Variants in ATRNL1 observed in about 807,000 individuals in gnomAD.
The protein encoded by ATRNL1 is attractin like 1, also known as attractin-like protein 1.
Under a neutral mutation model 182.7 loss-of-function variants are expected in ATRNL1, and 95 were observed. The observed-to-expected ratio is 0.52, with a 90% CI of 0.44 to 0.62. The LOEUF is 0.62. ATRNL1 is among the 20% of genes least tolerant of loss of function. The pLI is 0.00. For missense variants in ATRNL1, 1,471 were observed against 1,679.5 expected (o/e 0.88, Z 2.17); for synonymous variants, 576 against 568.3 (o/e 1.01, Z -0.19).
At chr10:115,849,448 G>A (rs546671478) in intron 28 of ATRNL1, among the ~76,000 whole-genome samples, 1 of 152,212 alleles carries the variant, frequency 6.6e-6, no homozygotes, top group African/African-American at 2.4e-5. Context: ...GATCCTTCAC[G>A]AGATGGGCAG....
rs199920871 is a variant in ATRNL1, at chr10:115,424,683, T to C, written c.3270-1567T>C. On this transcript the variant is annotated intron_variant, in intron 20 of 28. Coordinates refer to ENST00000355044, the MANE Select transcript of ATRNL1 (RefSeq NM_207303.4). ...ATGTGAAATAAGCACAGAAGAAAAATACTGCATGATCTCACTTATATGTAG... is the reference window on the plus strand; with the variant it reads ...ATGTGAAATAAGCACAGAAGAAAAACACTGCATGATCTCACTTATATGTAG... Among the ~76,000 whole-genome samples, 4 of 152,174 alleles carry C rather than the reference T, an allele frequency of 2.6e-5. No homozygotes were observed. The East Asian group carries it at 7.7e-4, about 29-fold the overall frequency.
At chr10:115,637,600 TTAC>T (rs1374053728) in intron 26 of ATRNL1, among the ~76,000 whole-genome samples, 3 of 100,786 alleles carry the variant, frequency 3.0e-5, no homozygotes, top group Non-Finnish European at 4.3e-5. Flanking sequence ...AGTCAATTTA[TTAC>T]TATTATTATT....
chr10:115,669,054 C>T (rs1314038920), intron 26 of ATRNL1, among the ~76,000 whole-genome samples: 1 of 152,012 alleles, frequency 6.6e-6, no homozygotes, highest in Non-Finnish European at 1.5e-5. Context: ...AAGTGGTTTT[C>T]CAAATGATTA....
At chr10:115,380,533 C>A (rs539560042) in intron 19 of ATRNL1, among the ~76,000 whole-genome samples, 1 of 152,298 alleles carries the variant, frequency 6.6e-6, no homozygotes, top group Non-Finnish European at 1.5e-5. Context: ...CCTTGTCCCC[C>A]AGCCCTGCCT....
intron 9 of ATRNL1, among the ~76,000 whole-genome samples, chr10:115,218,827 A>G (rs1849330956): frequency 6.6e-6 from 1 of 152,198 alleles, no homozygotes; most frequent in Admixed American, 6.5e-5. Context: ...TGTGTCACTG[A>G]AATGTGCTGC....
chr10:115,843,300 T>A (rs548900443), intron 27 of ATRNL1, among the ~76,000 whole-genome samples: 1 of 151,916 alleles, frequency 6.6e-6, no homozygotes, highest in Admixed American at 6.6e-5. Context: ...GAAGTGAGCA[T>A]AGGGGATATA....
chr10:115,209,443 CTGAGTTGTTTG>C (rs1848935114), intron 8 of ATRNL1, among the ~76,000 whole-genome samples: 1 of 141,192 alleles, frequency 7.1e-6, no homozygotes, highest in Non-Finnish European at 1.5e-5. Flanking sequence ...TTTCTGGTTT[CTGAGTTGTTTG>C]TGGCAGGAAG....
chr10:115,519,411 C>A, intron 25 of ATRNL1, 87 bp downstream of exon 25: 2 of 1,099,412 alleles, frequency 1.8e-6, no homozygotes, highest in South Asian at 1.3e-5. Flanking sequence ...TCGACCAATT[C>A]TAAAACCTTA....
At chr10:115,759,841 A>ATTTTTTTTTTT (rs58578796) in intron 27 of ATRNL1, among the ~76,000 whole-genome samples, 945 of 62,604 alleles carry the variant, frequency 0.015, no homozygotes, top group Middle Eastern at 0.048. Context: ...ACACCTGGCT[A>ATTTTTTTTTTT]TTTTTTTTTT....
At chr10:115,910,804 T>A (rs964374366) in intron 28 of ATRNL1, among the ~76,000 whole-genome samples, 1 of 152,198 alleles carries the variant, frequency 6.6e-6, no homozygotes, top group African/African-American at 2.4e-5. Flanking sequence ...AGTAACCCTC[T>A]GAGAAAAATC....
chr10:115,562,489 A>G (rs550174238), intron 26 of ATRNL1, among the ~76,000 whole-genome samples: 48 of 152,322 alleles, frequency 3.2e-4, no homozygotes, highest in African/African-American at 1.1e-3. Context: ...GAAATTGACA[A>G]GCTTCTTTGT....
At chr10:115,451,239 G>A (rs1439368818) in intron 21 of ATRNL1, among the ~76,000 whole-genome samples, 1 of 152,092 alleles carries the variant, frequency 6.6e-6, no homozygotes, top group Admixed American at 6.6e-5. Flanking sequence ...GACACCAAAA[G>A]CAATTGCAAC....
chr10:115,824,106 G>A (rs1555091252), intron 27 of ATRNL1, among the ~76,000 whole-genome samples: 1 of 151,972 alleles, frequency 6.6e-6, no homozygotes, highest in Admixed American at 6.6e-5. Flanking sequence ...CAGAACAGAG[G>A]CCTCAGAAAT....
intron 27 of ATRNL1, among the ~76,000 whole-genome samples, chr10:115,828,750 T>C (rs1467853483): frequency 1.3e-5 from 2 of 152,198 alleles, no homozygotes; most frequent in Non-Finnish European, 2.9e-5. Flanking sequence ...CATAATAGTC[T>C]ATTAAATGGC....
At chr10:115,607,272 A>C (rs1470755015) in intron 26 of ATRNL1, among the ~76,000 whole-genome samples, 2 of 151,942 alleles carry the variant, frequency 1.3e-5, no homozygotes, top group African/African-American at 4.8e-5. Flanking sequence ...TAAATAAAAC[A>C]GCATTTAGTT....
chr10:115,334,981 G>C (rs1467642072), intron 19 of ATRNL1, among the ~76,000 whole-genome samples: 1 of 152,036 alleles, frequency 6.6e-6, no homozygotes, highest in East Asian at 1.9e-4. Flanking sequence ...ATAATTCACT[G>C]AGTTGTTGTA....
chr10:115,635,732 A>G (rs1246501203), intron 26 of ATRNL1, among the ~76,000 whole-genome samples: 1 of 152,182 alleles, frequency 6.6e-6, no homozygotes, highest in Non-Finnish European at 1.5e-5. Flanking sequence ...TATTACTCAA[A>G]ATGCCCGTCA....
chr10:115,481,636 C>T (rs1216490924), intron 24 of ATRNL1, among the ~76,000 whole-genome samples: 1 of 150,762 alleles, frequency 6.6e-6, no homozygotes, highest in Non-Finnish European at 1.5e-5. Flanking sequence ...ATTTTACTAT[C>T]ATTTTATTAG....
At chr10:115,263,166 G>A (rs1268281339) in intron 10 of ATRNL1, among the ~76,000 whole-genome samples, 1 of 151,824 alleles carries the variant, frequency 6.6e-6, no homozygotes, top group Non-Finnish European at 1.5e-5. Context: ...TGAGCACACA[G>A]TACCACTTGT....
Sources: allele counts gnomAD v4.1 joint callset (sites outside exome capture counted in the v4.1 genomes callset), GRCh38; gene constraint gnomAD v4.1.1; transcripts MANE v1.5; gene names NCBI Gene and HGNC (gene_info 2026-07-23, HGNC 2026-07-21).